The following GRM5 variants were observed in gnomAD, a reference collection of about 807,000 sequenced individuals.
GRM5 encodes the protein glutamate metabotropic receptor 5, also known as metabotropic glutamate receptor 5.
GRM5 carries 19 observed loss-of-function variants against 83.1 expected under a neutral mutation model. The observed-to-expected ratio is 0.23, with a 90% CI of 0.16 to 0.34. The LOEUF (loss-of-function observed/expected upper bound fraction) is 0.34. GRM5 is among the 10% of genes least tolerant of loss of function. GRM5 has a pLI of 1.00. For missense variants in GRM5, 1,160 were observed against 1,588.3 expected, an observed-to-expected ratio of 0.73 and a Z score of 4.58; for synonymous variants, 675 against 633.6, an observed-to-expected ratio of 1.07 and a Z score of -0.98.
intron 2 of GRM5, among the ~76,000 whole-genome samples, chr11:89,042,093 G>A (rs536843236): frequency 1.4e-4 from 22 of 152,202 alleles, no homozygotes; most frequent in African/African-American, 5.3e-4. Context: ...CACCCAGGCT[G>A]GAGTGCAATG....
chr11:88,889,080 T>C (rs571418839), intron 2 of GRM5, among the ~76,000 whole-genome samples: 2 of 152,300 alleles, frequency 1.3e-5, no homozygotes, highest in African/African-American at 4.8e-5. Flanking sequence ...TGCCAGCTGA[T>C]TGATCAAGGG....
chr11:88,637,976 TA>T (rs916429442), intron 4 of GRM5, among the ~76,000 whole-genome samples: 2 of 151,758 alleles, frequency 1.3e-5, no homozygotes, highest in East Asian at 1.9e-4. Flanking sequence ...TACGCAGCCA[TA>T]AAAAATGATT....
intron 3 of GRM5, among the ~76,000 whole-genome samples, chr11:88,822,431 G>C (rs550068164): frequency 7.3e-5 from 11 of 151,408 alleles, no homozygotes; most frequent in African/African-American, 2.2e-4. Context: ...TAGGTAGCAA[G>C]GGAAGACTTC....
At chr11:88,850,308 A>C (rs1372010702) in intron 2 of GRM5, among the ~76,000 whole-genome samples, 153 bp from the exon 3 acceptor site, 1 of 152,218 alleles carries the variant, frequency 6.6e-6, no homozygotes, top group Non-Finnish European at 1.5e-5. Flanking sequence ...CTTTTGCCGA[A>C]TTGCTTATTT....
At position 88,701,859 on chromosome 11, in the gene GRM5, G is replaced by A. The variant is rs568301038; in HGVS notation, c.912-48456C>T. Among the ~76,000 whole-genome samples the A allele has an allele frequency of 3.3e-5, 5 of 152,196 alleles. No homozygotes were observed. The South Asian group carries it at 6.2e-4, about 19-fold the overall frequency. On this transcript the variant is annotated intron_variant, in intron 3 of 9. Coordinates refer to ENST00000305447, the MANE Select transcript of GRM5 (RefSeq NM_001143831.3). ...CTGTTAACCAATGTACTGGGTCAGCGTGACCTGTAGGGTTACATGACTTAA... is the reference window on the plus strand; with the variant it reads ...CTGTTAACCAATGTACTGGGTCAGCATGACCTGTAGGGTTACATGACTTAA...
At chr11:89,042,903 A>ACAATT (rs1193393222) in intron 2 of GRM5, among the ~76,000 whole-genome samples, 1 of 147,576 alleles carries the variant, frequency 6.8e-6, no homozygotes, top group East Asian at 1.9e-4. Context: ...TGCTACCAGT[A>ACAATT]CAATTTATTG....
intron 3 of GRM5, among the ~76,000 whole-genome samples, chr11:88,738,724 C>T (rs1941968685): frequency 6.6e-6 from 1 of 152,072 alleles, no homozygotes; most frequent in Non-Finnish European, 1.5e-5. Flanking sequence ...ATTATCCTGC[C>T]CAAAAAACTT....
chr11:88,783,526 A>AAGC (rs1477417352), intron 3 of GRM5, among the ~76,000 whole-genome samples: 10 of 152,152 alleles, frequency 6.6e-5, no homozygotes, highest in African/African-American at 2.4e-4. Context: ...GAAACAATAG[A>AAGC]AGCAAATGTC....
chr11:88,975,806 G>C (rs1431380120), intron 2 of GRM5, among the ~76,000 whole-genome samples: 1 of 152,128 alleles, frequency 6.6e-6, no homozygotes. Flanking sequence ...CATACTATGA[G>C]GTAAAAAATT....
At chr11:88,558,043 C>A (rs1037260029) in intron 8 of GRM5, among the ~76,000 whole-genome samples, 5 of 152,064 alleles carry the variant, frequency 3.3e-5, no homozygotes, top group Non-Finnish European at 7.4e-5. Context: ...TGATCTCCCC[C>A]ACTACTCTGT....
intron 3 of GRM5, among the ~76,000 whole-genome samples, chr11:88,838,857 A>C (rs1025978566): frequency 7.1e-6 from 1 of 141,536 alleles, no homozygotes; most frequent in South Asian, 2.3e-4. Flanking sequence ...CCACTGCCAC[A>C]CCCCTTATGC....
chr11:88,656,152 C>T (rs72956730), intron 3 of GRM5, among the ~76,000 whole-genome samples: 7,088 of 77,624 alleles, frequency 0.091, 184 homozygotes, highest in Middle Eastern at 0.13. Context: ...TTGGGTGACA[C>T]GTATTTTACC....
chr11:88,612,073 C>T (rs960193192), intron 4 of GRM5, among the ~76,000 whole-genome samples: 1 of 149,814 alleles, frequency 6.7e-6, no homozygotes, highest in South Asian at 2.1e-4. Flanking sequence ...CCCACTAACT[C>T]GTCATCTAGC....
At chr11:89,029,509 A>G (rs1385329717) in intron 2 of GRM5, among the ~76,000 whole-genome samples, 4 of 152,190 alleles carry the variant, frequency 2.6e-5, no homozygotes, top group Non-Finnish European at 4.4e-5. Context: ...CATATAGCAT[A>G]TATTTCAATA....
intron 4 of GRM5, among the ~76,000 whole-genome samples, chr11:88,630,904 C>T (rs368642188): frequency 1.3e-5 from 2 of 152,252 alleles, no homozygotes; most frequent in South Asian, 2.1e-4. Flanking sequence ...AAGTCAAGAT[C>T]TTTCACATCA....
Position 88,850,853 on chromosome 11 carries a change from A to G in GRM5, c.662-698T>C, listed in dbSNP as rs539827191. On this transcript the variant is annotated intron_variant, in intron 2 of 9. Coordinates refer to ENST00000305447, the MANE Select transcript of GRM5 (RefSeq NM_001143831.3). Reference sequence around the variant, plus strand: ...TTGCAAAATTTGGGGACTAAGGACAAATGTTAGTCTTTAAAAATTAATGAA... The same window carrying G: ...TTGCAAAATTTGGGGACTAAGGACAGATGTTAGTCTTTAAAAATTAATGAA... 1.5e-3 allele frequency among the ~76,000 whole-genome samples: 223 copies of G among 144,068 alleles called. 1 individual carries two copies. The highest frequency in any genetic ancestry group is 3.5e-3 in the Middle Eastern group (1 of 282). The allele number at this position is 144,068 out of a possible 152,430, so 94.5% of individuals were successfully genotyped here. A position where few individuals can be genotyped will look rare whatever the true frequency, so the allele number is the denominator to read the frequency against.
chr11:88,835,831 G>C (rs1337569451), intron 3 of GRM5, among the ~76,000 whole-genome samples: 1 of 152,040 alleles, frequency 6.6e-6, no homozygotes, highest in Non-Finnish European at 1.5e-5. Context: ...AATCACTTTG[G>C]GTTGAATGAG....
At chr11:88,666,231 G>A (rs530392017) in intron 3 of GRM5, among the ~76,000 whole-genome samples, 13 of 152,296 alleles carry the variant, frequency 8.5e-5, no homozygotes, top group African/African-American at 2.9e-4. Context: ...ATAAGAGAAT[G>A]CCCACAACTG....
chr11:88,953,044 G>C (rs1281327797), intron 2 of GRM5, among the ~76,000 whole-genome samples: 1 of 152,146 alleles, frequency 6.6e-6, no homozygotes, highest in Admixed American at 6.5e-5. Context: ...AATAGAGAGT[G>C]AAGAAAGCAA....
Sources: allele counts gnomAD v4.1 joint callset (sites outside exome capture counted in the v4.1 genomes callset), GRCh38; gene constraint gnomAD v4.1.1; transcripts MANE v1.5; gene names NCBI Gene and HGNC (gene_info 2026-07-23, HGNC 2026-07-21).